Variants in NT5E observed in about 807,000 individuals in gnomAD.
The protein encoded by NT5E is 5'-nucleotidase ecto, also known as 5'-nucleotidase.
Under a neutral mutation model 55.1 loss-of-function variants are expected in NT5E, and 53 were observed. The observed-to-expected ratio is 0.96, with a 90% CI of 0.77 to 1.21. The LOEUF is 1.21. Ranked by LOEUF, NT5E falls within the 50% of genes most tolerant of loss-of-function variation. NT5E has a pLI of 0.00. For synonymous variants in NT5E, 270 were observed against 278.4 expected, an observed-to-expected ratio of 0.97 and a Z score of 0.30; for missense variants, 683 against 724.3, an observed-to-expected ratio of 0.94 and a Z score of 0.65.
Position 85,489,577 on chromosome 6 carries a change from GCC to G in NT5E, c.1190_1191del (p.Pro397HisfsTer2). On this transcript the variant is annotated frameshift_variant, in exon 6 of 9. Coordinates refer to ENST00000257770, the MANE Select transcript of NT5E (RefSeq NM_002526.4). LOFTEE classifies it high-confidence loss of function. ...TTTTAAATGGAGGTGGTATCCGGTC[GCC>G]CATTGATGAACGCAACAATGGTATG... ...CILNGGGIRS[P>X]IDERNNGTIT... 6.2e-7 allele frequency: 1 copy of G among 1,613,386 alleles called. No homozygotes were observed. The highest frequency in any genetic ancestry group is 1.3e-5 in the African/African-American group (1 of 74,982).
intron 5 of NT5E, among the ~76,000 whole-genome samples, chr6:85,487,722 G>A (rs1489339018): frequency 6.6e-6 from 1 of 152,192 alleles, no homozygotes; most frequent in African/African-American, 2.4e-5. Flanking sequence ...GTGCACTCCA[G>A]CCTGGGCAAA....
chr6:85,463,766 G>A (rs62443310), intron 1 of NT5E, among the ~76,000 whole-genome samples: 1 of 152,156 alleles, frequency 6.6e-6, no homozygotes, highest in South Asian at 2.1e-4. Flanking sequence ...GGTGTACTGA[G>A]GTGAGTAGCA....
In NT5E at chr6:85,494,133, A is replaced by G. The variant is rs1769843806; in HGVS notation, c.*129A>G. 3 of 885,146 alleles carry G rather than the reference A, an allele frequency of 3.4e-6. No individual in the cohort carries two copies. Among genetic ancestry groups the G allele is most frequent in the African/African-American group, 3.4e-5 (2 of 59,372 alleles). The allele number at this position is 885,146 out of a possible 1,614,324, so 54.8% of individuals were successfully genotyped here. ...CAGGCTCCTAGAAGCTGAAGGTTAGAGCATTATAAAATGAAGAGACAGACA... is the reference window on the plus strand; with the variant it reads ...CAGGCTCCTAGAAGCTGAAGGTTAGGGCATTATAAAATGAAGAGACAGACA... On this transcript the variant is annotated 3_prime_UTR_variant, in exon 9 of 9. Transcript: ENST00000257770.
intron 1 of NT5E, among the ~76,000 whole-genome samples, chr6:85,455,591 A>G (rs1001055347): frequency 2.0e-5 from 3 of 152,168 alleles, no homozygotes; most frequent in South Asian, 2.1e-4. Flanking sequence ...TAATAAACCA[A>G]TGAGTGAGTT....
chr6:85,458,551 T>A (rs1769032064), intron 1 of NT5E, among the ~76,000 whole-genome samples: 1 of 152,238 alleles, frequency 6.6e-6, no homozygotes, highest in Non-Finnish European at 1.5e-5. Context: ...ATTGGCGGCT[T>A]TCTGCACATC....
At position 85,494,005 on chromosome 6, in the gene NT5E, C is replaced by G; in HGVS notation, c.*1C>G. On this transcript the variant is annotated 3_prime_UTR_variant, in exon 9 of 9. Coordinates refer to ENST00000257770, the MANE Select transcript of NT5E (RefSeq NM_002526.4). ...AGTGATCTTTGTTTTATACCAATAGCCAAAAATTCTCCTTGCCTTTAATGT... is the reference window on the plus strand; with the variant it reads ...AGTGATCTTTGTTTTATACCAATAGGCAAAAATTCTCCTTGCCTTTAATGT... The G allele has an allele frequency of 6.2e-7, 1 of 1,613,642 alleles. No homozygotes were observed. Among genetic ancestry groups the G allele is most frequent in the Non-Finnish European group, 8.5e-7 (1 of 1,179,784 alleles).
At chr6:85,486,000 G>T (rs1160213015) in intron 4 of NT5E, among the ~76,000 whole-genome samples, 2 of 152,188 alleles carry the variant, frequency 1.3e-5, no homozygotes, top group African/African-American at 4.8e-5. Flanking sequence ...CTGGGTCCAG[G>T]GGGGTCACTG....
rs376616753 is a variant in NT5E at position 85,490,642 on chromosome 6, T to C, written c.1345T>C (p.Phe449Leu). ...VHRYGQSTGE[F>L]LQVGGIHVVY... ...CCGCTACGGCCAGTCCACTGGAGAG[T>C]TCCTGCAGGTGGGCGGTAAGTCACC... Residue 449 changes from phenylalanine (F) to leucine (L), a missense_variant, in exon 7 of 9, where the codon TTC becomes CTC. By Grantham distance (22) the Phe-to-Leu change is conservative. Coordinates refer to ENST00000257770, the MANE Select transcript of NT5E (RefSeq NM_002526.4). 1.6e-5 allele frequency: 26 copies of C among 1,613,892 alleles called. No individual in the cohort carries two copies. The highest frequency in any genetic ancestry group is 1.0e-4 in the Admixed American group (6 of 59,980).
At chr6:85,466,884 C>G (rs965144551) in intron 1 of NT5E, among the ~76,000 whole-genome samples, 176 bp from the exon 2 acceptor site, 1 of 152,152 alleles carries the variant, frequency 6.6e-6, no homozygotes, top group Non-Finnish European at 1.5e-5. Context: ...GGTGTGACAC[C>G]TGGGTAGCAA....
Position 85,457,565 on chromosome 6 carries a change from C to A in NT5E, c.339+7087C>A, listed in dbSNP as rs541703163. 1.3e-3 allele frequency among the ~76,000 whole-genome samples: 191 copies of A among 152,210 alleles called. 1 individual carries two copies. Among genetic ancestry groups the A allele is most frequent in the African/African-American group, 4.3e-3 (178 of 41,528 alleles). ...CAGCTATTTCCTTGTGGAGAGATAG[C>A]GTAGGTCTTTCAGGTGCTTCCATTT... On this transcript the variant is annotated intron_variant, in intron 1 of 8. Coordinates refer to ENST00000257770, the MANE Select transcript of NT5E (RefSeq NM_002526.4).
In NT5E at chr6:85,452,610, G is replaced by T. The variant is rs1768905571; in HGVS notation, c.339+2132G>T. ...GGGAGCGGATCACATGGCAAGGTTA[G>T]ATGGCTGTGTCCTCAGGACTTACTC... On this transcript the variant is annotated intron_variant, in intron 1 of 8. Coordinates refer to ENST00000257770, the MANE Select transcript of NT5E (RefSeq NM_002526.4). Among the ~76,000 whole-genome samples the T allele has an allele frequency of 2.0e-5, 3 of 152,300 alleles. No individual in the cohort carries two copies. The South Asian group carries it at 6.2e-4, about 32-fold the overall frequency.
intron 1 of NT5E, among the ~76,000 whole-genome samples, chr6:85,452,317 TGAA>T (rs1768900494): frequency 6.6e-6 from 1 of 152,206 alleles, no homozygotes; most frequent in African/African-American, 2.4e-5. Flanking sequence ...AAAATAAGAA[TGAA>T]GAATTCCTAG....
intron 4 of NT5E, 69 bp downstream of exon 4, chr6:85,485,501 AT>A: frequency 6.9e-7 from 1 of 1,455,896 alleles, no homozygotes; most frequent in Non-Finnish European, 9.6e-7. Flanking sequence ...GCTCCTTCCC[AT>A]TTTTTTCCTT....
At chr6:85,465,156 A>C (rs575307310) in intron 1 of NT5E, among the ~76,000 whole-genome samples, 24 of 152,268 alleles carry the variant, frequency 1.6e-4, no homozygotes, top group Non-Finnish European at 2.8e-4. Context: ...GGGGCAAGAG[A>C]GGTGAAAAGA....
intron 1 of NT5E, among the ~76,000 whole-genome samples, chr6:85,453,007 C>A (rs970593986): frequency 6.6e-6 from 1 of 152,268 alleles, no homozygotes; most frequent in African/African-American, 2.4e-5. Flanking sequence ...GGAGTCCCCT[C>A]GAGCAGGAAC....
Position 85,494,054 on chromosome 6 carries a change from A to T in NT5E, c.*50A>T, listed in dbSNP as rs752505045. The stretch of plus-strand genomic sequence containing the variant: ...GTGTGAAACTGCATTTTTTCAAGTG[A>T]GATTCAAATCTGCCTTTTAGGACCT... On this transcript the variant is annotated 3_prime_UTR_variant, in exon 9 of 9. Coordinates refer to ENST00000257770, the MANE Select transcript of NT5E (RefSeq NM_002526.4). The T allele has an allele frequency of 6.3e-7, 1 of 1,590,646 alleles. No homozygotes were observed. Among genetic ancestry groups the T allele is most frequent in the South Asian group, 1.1e-5 (1 of 90,282 alleles).
At position 85,455,978 on chromosome 6, in the gene NT5E, C is replaced by T. The variant is rs558849043; in HGVS notation, c.339+5500C>T. On this transcript the variant is annotated intron_variant, in intron 1 of 8. Transcript: ENST00000257770. Reference sequence around the variant, plus strand: ...ATGGCTGGGGGCCCTTAGATAGCTTCGGGAAGGGGGCTGGTCGCCAGAAAG... The same window carrying T: ...ATGGCTGGGGGCCCTTAGATAGCTTTGGGAAGGGGGCTGGTCGCCAGAAAG... Among the ~76,000 whole-genome samples the T allele has an allele frequency of 2.4e-4, 36 of 152,094 alleles. No homozygotes were observed. In the South Asian group the frequency reaches 5.8e-3, roughly 25 times the overall value.
rs556623748 is a variant in NT5E at position 85,452,403 on chromosome 6, T to C, written c.339+1925T>C. ...TGTTAATCATGGTATCAAATGTTTA[T>C]GACAGGACATCTAGGTGAGGCCTGA... On this transcript the variant is annotated intron_variant, in intron 1 of 8. Coordinates refer to ENST00000257770, the MANE Select transcript of NT5E (RefSeq NM_002526.4). Among the ~76,000 whole-genome samples, 10 of 152,354 alleles carry C rather than the reference T, an allele frequency of 6.6e-5. No individual in the cohort carries two copies. In the East Asian group the frequency reaches 1.3e-3, roughly 21 times the overall value.
intron 5 of NT5E, 98 bp from the exon 6 acceptor site, chr6:85,489,396 G>A (rs1769736235): frequency 7.4e-6 from 6 of 812,994 alleles, no homozygotes; most frequent in Non-Finnish European, 1.3e-5. Context: ...CAGGTGAAAA[G>A]CAGCTTTATT....
Sources: allele counts gnomAD v4.1 joint callset (sites outside exome capture counted in the v4.1 genomes callset), GRCh38; gene constraint gnomAD v4.1.1; transcripts MANE v1.5; gene names NCBI Gene and HGNC (gene_info 2026-07-23, HGNC 2026-07-21).